Variants in ATP2B2 observed in about 807,000 individuals in gnomAD.
ATP2B2 encodes plasma membrane calcium-transporting ATPase 2.
In ATP2B2, 15 loss-of-function variants were observed where a neutral mutation model predicts 120.0. The ratio of observed to expected loss-of-function variants is 0.12; its 90% CI spans 0.08 to 0.19. The LOEUF (loss-of-function observed/expected upper bound fraction) is 0.19, where lower values mean the gene tolerates loss of function less well. ATP2B2 is among the 10% of genes least tolerant of loss of function. The pLI is 1.00. For missense variants in ATP2B2, 1,045 were observed against 1,719.8 expected, an observed-to-expected ratio of 0.61 and a Z score of 6.94; for synonymous variants, 694 against 700.3, an observed-to-expected ratio of 0.99 and a Z score of 0.14.
chr3:10,688,489 A>G (rs951830634), intron 1 of ATP2B2, among the ~76,000 whole-genome samples: 2 of 152,218 alleles, frequency 1.3e-5, no homozygotes, highest in Non-Finnish European at 2.9e-5. Flanking sequence ...CCTGCTGTTC[A>G]AGATCAGCAG....
intron 1 of ATP2B2, among the ~76,000 whole-genome samples, chr3:10,482,757 C>T (rs1484547065): frequency 2.6e-5 from 4 of 152,222 alleles, no homozygotes; most frequent in Non-Finnish European, 5.9e-5. Context: ...GAATTCTGCT[C>T]ACCCACAGGA....
At chr3:10,388,839 A>C (rs2061760062) in intron 5 of ATP2B2, among the ~76,000 whole-genome samples, 1 of 152,210 alleles carries the variant, frequency 6.6e-6, no homozygotes, top group African/African-American at 2.4e-5. Flanking sequence ...GTTGGTGCTC[A>C]TCTCTATTTT....
intron 1 of ATP2B2, among the ~76,000 whole-genome samples, chr3:10,483,078 G>A (rs2065477897): frequency 6.6e-6 from 1 of 152,222 alleles, no homozygotes; most frequent in South Asian, 2.1e-4. Flanking sequence ...TCCCAGAGGT[G>A]GATTCAGGTC....
intron 2 of ATP2B2, among the ~76,000 whole-genome samples, chr3:10,440,512 C>A (rs1209444280): frequency 1.3e-5 from 2 of 152,196 alleles, no homozygotes; most frequent in East Asian, 3.8e-4. Flanking sequence ...GTTCTAGGCT[C>A]CAGGCACAGC....
intron 4 of ATP2B2, among the ~76,000 whole-genome samples, chr3:10,401,355 C>T (rs565674981): frequency 3.9e-5 from 6 of 152,324 alleles, no homozygotes; most frequent in Admixed American, 1.3e-4. Flanking sequence ...CTCTTGACCT[C>T]GCCTGAACTT....
At chr3:10,350,963 C>A (rs1189250303) in intron 14 of ATP2B2, among the ~76,000 whole-genome samples, 2 of 152,190 alleles carry the variant, frequency 1.3e-5, no homozygotes, top group African/African-American at 2.4e-5. Flanking sequence ...AGGTGAACTT[C>A]TCTTTGCCTC....
chr3:10,418,054 C>G (rs2062849227), intron 2 of ATP2B2, among the ~76,000 whole-genome samples: 1 of 152,154 alleles, frequency 6.6e-6, no homozygotes. Flanking sequence ...AGAGTGTTCT[C>G]TAATGGAGAC....
intron 1 of ATP2B2, among the ~76,000 whole-genome samples, chr3:10,682,806 C>T (rs900338330): frequency 2.0e-5 from 3 of 152,196 alleles, no homozygotes; most frequent in African/African-American, 7.2e-5. Flanking sequence ...AAGTGGAAGG[C>T]CTTACTGGGT....
intron 16 of ATP2B2, among the ~76,000 whole-genome samples, chr3:10,348,045 G>A (rs2060477425): frequency 6.6e-6 from 1 of 151,996 alleles, no homozygotes; most frequent in Admixed American, 6.5e-5. Flanking sequence ...TTCTCAGCCT[G>A]CACCATCACT....
At chr3:10,451,790 C>T (rs528294891) in intron 1 of ATP2B2, among the ~76,000 whole-genome samples, 47 of 152,342 alleles carry the variant, frequency 3.1e-4, no homozygotes, top group African/African-American at 1.1e-3. Flanking sequence ...ACACCATCCA[C>T]AGAATCCATG....
At chr3:10,335,441 C>T (rs780971888) in intron 22 of ATP2B2, among the ~76,000 whole-genome samples, 14 of 138,550 alleles carry the variant, frequency 1.0e-4, no homozygotes, top group South Asian at 2.5e-4. Flanking sequence ...TGGGGTGCAG[C>T]GTCTAGGCTG....
At chr3:10,700,532 A>G (rs1480540049) in intron 1 of ATP2B2, among the ~76,000 whole-genome samples, 1 of 152,142 alleles carries the variant, frequency 6.6e-6, no homozygotes, top group Non-Finnish European at 1.5e-5. Flanking sequence ...CAGTAGGGAG[A>G]CTAGCCATTA....
intron 2 of ATP2B2, among the ~76,000 whole-genome samples, chr3:10,537,360 A>G (rs949970165): frequency 1.3e-5 from 2 of 152,164 alleles, no homozygotes; most frequent in African/African-American, 4.8e-5. Context: ...TAGGCTTTTA[A>G]AACTTCTTTC....
chr3:10,631,777 A>T (rs892493944), intron 1 of ATP2B2, among the ~76,000 whole-genome samples: 3 of 152,250 alleles, frequency 2.0e-5, no homozygotes, highest in African/African-American at 7.2e-5. Context: ...AAATGCTTCC[A>T]TATCAAATAC....
At chr3:10,501,715 A>G (rs1209228797) in intron 1 of ATP2B2, among the ~76,000 whole-genome samples, 2 of 152,038 alleles carry the variant, frequency 1.3e-5, no homozygotes, top group Non-Finnish European at 2.9e-5. Flanking sequence ...ACTGGTGGGG[A>G]GAGGAAATGA....
chr3:10,618,317 G>A (rs2069452179), intron 2 of ATP2B2, among the ~76,000 whole-genome samples: 1 of 152,096 alleles, frequency 6.6e-6, no homozygotes, highest in African/African-American at 2.4e-5. Flanking sequence ...TATGTAAGAG[G>A]TGAACCTTAG....
intron 5 of ATP2B2, among the ~76,000 whole-genome samples, chr3:10,391,248 G>C (rs1043557957): frequency 1.3e-5 from 2 of 152,150 alleles, no homozygotes; most frequent in African/African-American, 4.8e-5. Context: ...CTGCAGGTGA[G>C]GGGCAGAGCC....
At chr3:10,458,165 T>C (rs181081872) in intron 1 of ATP2B2, among the ~76,000 whole-genome samples, 2 of 152,204 alleles carry the variant, frequency 1.3e-5, no homozygotes, top group African/African-American at 4.8e-5. Context: ...TCTCCATCCA[T>C]CTGTTCATCC....
At chr3:10,411,363 G>C (rs28615434) in intron 2 of ATP2B2, among the ~76,000 whole-genome samples, 1 of 152,184 alleles carries the variant, frequency 6.6e-6, no homozygotes, top group Admixed American at 6.5e-5. Flanking sequence ...CGAGTCATGA[G>C]AGAATAAAAT....
Sources: gnomAD v4.1 joint callset for allele counts (sites outside exome capture counted in the v4.1 genomes callset) on GRCh38, gnomAD v4.1.1 for gene constraint, MANE v1.5 for transcripts, NCBI Gene and HGNC (gene_info 2026-07-23, HGNC 2026-07-21) for gene names.